The following LINGO2 variants were observed in gnomAD, a reference collection of about 807,000 sequenced individuals.
LINGO2 encodes the protein leucine-rich repeat and immunoglobulin-like domain-containing nogo receptor-interacting protein 2.
LINGO2 carries 14 observed loss-of-function variants against 30.6 expected under a neutral mutation model. The observed-to-expected ratio is 0.46, with a 90% CI of 0.30 to 0.72. The LOEUF is 0.72. Among genes scored for constraint, LINGO2 ranks in the 30% least tolerant of loss-of-function variants. The pLI is 0.07. For missense variants in LINGO2, 729 were observed against 751.7 expected (o/e 0.97, Z 0.35); for synonymous variants, 317 against 288.5 (o/e 1.10, Z -1.00).
intron 1 of LINGO2, among the ~76,000 whole-genome samples, chr9:28,548,633 G>A (rs569660922): frequency 2.0e-5 from 3 of 147,690 alleles, no homozygotes; most frequent in African/African-American, 5.1e-5. Flanking sequence ...GAATCCAGGA[G>A]GCAGAGGTTG....
chr9:29,123,431 A>G, the LINGO2 span, among the ~76,000 whole-genome samples: 1 of 152,198 alleles, frequency 6.6e-6, no homozygotes, highest in East Asian at 1.9e-4. Context: ...ATTATTTCAA[A>G]TGTAACTTCC....
At chr9:28,861,203 A>T in the LINGO2 span, among the ~76,000 whole-genome samples, 52 of 115,124 alleles carry the variant, frequency 4.5e-4, no homozygotes, top group African/African-American at 1.7e-3. Flanking sequence ...TATATATTAT[A>T]TATTTTTTAT....
chr9:28,386,568 A>C (rs1010834271), intron 2 of LINGO2, among the ~76,000 whole-genome samples: 11 of 152,316 alleles, frequency 7.2e-5, no homozygotes, highest in Non-Finnish European at 1.2e-4. Context: ...TCTTAAAAAA[A>C]CCACAATATC....
At chr9:29,087,125 C>T in the LINGO2 span, among the ~76,000 whole-genome samples, 2 of 152,106 alleles carry the variant, frequency 1.3e-5, no homozygotes, top group Non-Finnish European at 2.9e-5. Context: ...GATCCACCGG[C>T]CCTGGCCTAC....
chr9:28,003,186 T>C (rs912825332), intron 5 of LINGO2, among the ~76,000 whole-genome samples: 3 of 152,152 alleles, frequency 2.0e-5, no homozygotes, highest in Non-Finnish European at 2.9e-5. Flanking sequence ...GACTGCATGG[T>C]GGTAGGGAGA....
At chr9:28,357,314 A>AACCC (rs1820250359) in intron 3 of LINGO2, among the ~76,000 whole-genome samples, 2 of 42,170 alleles carry the variant, frequency 4.7e-5, no homozygotes, top group Non-Finnish European at 4.4e-5. Context: ...ACAGAAATAA[A>AACCC]GCCCACCCCC....
At chr9:28,239,129 A>G (rs1038821319) in intron 4 of LINGO2, among the ~76,000 whole-genome samples, 2 of 152,100 alleles carry the variant, frequency 1.3e-5, no homozygotes, top group Non-Finnish European at 2.9e-5. Context: ...AACAAGTAAT[A>G]AAATCAAATC....
At chr9:28,434,018 C>T (rs141336937) in intron 2 of LINGO2, among the ~76,000 whole-genome samples, 56 of 148,796 alleles carry the variant, frequency 3.8e-4, no homozygotes, top group African/African-American at 1.3e-3. Context: ...ACTACTCATC[C>T]AAAAAAAGGA....
intron 4 of LINGO2, among the ~76,000 whole-genome samples, chr9:28,168,517 T>C (rs928988595): frequency 1.3e-5 from 2 of 152,252 alleles, no homozygotes; most frequent in Non-Finnish European, 2.9e-5. Flanking sequence ...GTACCTTTCA[T>C]AACAGGTGTT....
At chr9:28,679,461 A>G in the LINGO2 span, among the ~76,000 whole-genome samples, 1 of 152,066 alleles carries the variant, frequency 6.6e-6, no homozygotes. Context: ...TGCTATCCCA[A>G]TCCTCAAAAC....
intron 5 of LINGO2, among the ~76,000 whole-genome samples, chr9:27,967,846 C>A (rs1361378899): frequency 6.6e-6 from 1 of 152,112 alleles, no homozygotes; most frequent in African/African-American, 2.4e-5. Context: ...TTAATTCATA[C>A]TAAATTGTTA....
chr9:28,386,016 A>G (rs1328389141), intron 2 of LINGO2, among the ~76,000 whole-genome samples: 1 of 152,222 alleles, frequency 6.6e-6, no homozygotes. Flanking sequence ...TGAGAGGAAT[A>G]TCAACAAGCA....
chr9:28,337,921 G>T (rs1466499941), intron 3 of LINGO2, among the ~76,000 whole-genome samples: 2 of 152,084 alleles, frequency 1.3e-5, no homozygotes, highest in Non-Finnish European at 2.9e-5. Flanking sequence ...GGAAATGTGG[G>T]GTAAAACTTC....
intron 1 of LINGO2, among the ~76,000 whole-genome samples, chr9:28,500,764 A>T (rs1023492820): frequency 2.0e-5 from 3 of 152,120 alleles, no homozygotes; most frequent in Non-Finnish European, 2.9e-5. Context: ...GAAAAATAAG[A>T]TGGCTCCAAA....
intron 1 of LINGO2, among the ~76,000 whole-genome samples, chr9:28,543,979 C>A (rs1187765077): frequency 6.6e-6 from 1 of 151,902 alleles, no homozygotes; most frequent in Admixed American, 6.6e-5. Flanking sequence ...CCGAGGCAAG[C>A]GGATCACTTG....
At chr9:28,423,424 G>T (rs920967440) in intron 2 of LINGO2, among the ~76,000 whole-genome samples, 16 of 152,036 alleles carry the variant, frequency 1.1e-4, no homozygotes, top group Admixed American at 6.6e-5. Flanking sequence ...CTTCAAAAAA[G>T]GAAATGAACC....
At chr9:28,273,081 C>T (rs1282165465) in intron 4 of LINGO2, among the ~76,000 whole-genome samples, 1 of 152,186 alleles carries the variant, frequency 6.6e-6, no homozygotes, top group Non-Finnish European at 1.5e-5. Flanking sequence ...GACAATGCTT[C>T]TCCCATAGGT....
chr9:28,522,408 G>A (rs908548880), intron 1 of LINGO2, among the ~76,000 whole-genome samples: 8 of 152,068 alleles, frequency 5.3e-5, no homozygotes, highest in African/African-American at 7.2e-5. Flanking sequence ...ATAAATCTGC[G>A]AGGGGAGTAC....
chr9:27,976,462 T>A (rs954327021), intron 5 of LINGO2, among the ~76,000 whole-genome samples: 2 of 152,098 alleles, frequency 1.3e-5, no homozygotes, highest in Non-Finnish European at 2.9e-5. Context: ...AGCAAACTGC[T>A]TAACAATTAA....
Sources: gnomAD v4.1 joint callset for allele counts (sites outside exome capture counted in the v4.1 genomes callset) on GRCh38, gnomAD v4.1.1 for gene constraint, MANE v1.5 for transcripts, NCBI Gene and HGNC (gene_info 2026-07-23, HGNC 2026-07-21) for gene names.